The following RD3 variants were observed in gnomAD, a reference collection of about 807,000 sequenced individuals.
The protein encoded by RD3 is RD3 regulator of GUCY2D, also known as protein RD3.
A neutral mutation model predicts 16.9 loss-of-function variants in RD3; 11 were observed. That is an observed-to-expected ratio of 0.65 (90% CI 0.41 to 1.08). RD3 has a LOEUF of 1.08. Among genes scored for constraint, RD3 ranks in the 50% least tolerant of loss-of-function variants. The pLI, the probability that RD3 is intolerant of heterozygous loss-of-function variation, is 0.00. For missense variants in RD3, 274 were observed against 267.4 expected, an observed-to-expected ratio of 1.02 and a Z score of -0.17; for synonymous variants, 116 against 114.8, an observed-to-expected ratio of 1.01 and a Z score of -0.07.
Position 211,478,949 on chromosome 1 carries a change from G to T in RD3, c.*87C>A. The T allele has an allele frequency of 7.6e-7, 1 of 1,310,326 alleles. No individual in the cohort carries two copies. The highest frequency in any genetic ancestry group is 1.0e-6 in the Non-Finnish European group (1 of 975,646). The allele number at this position is 1,310,326 out of a possible 1,614,324, so 81.2% of individuals were successfully genotyped here. ...TGGGTCTCCTCGTCAGGCCTAGGTG[G>T]GGAGGTTCCAGGGCCCGGCGCTCCG... is the stretch of plus-strand genomic sequence containing the variant. On this transcript the variant is annotated 3_prime_UTR_variant, in exon 3 of 3. Coordinates refer to ENST00000680073, the MANE Select transcript of RD3 (RefSeq NM_001164688.2).
In RD3 at chr1:211,478,279, T is replaced by C. The variant is rs1275284851; in HGVS notation, c.*757A>G. On this transcript the variant is annotated 3_prime_UTR_variant, in exon 3 of 3. Transcript: ENST00000680073. ...ACTTCTTGGAGAGCAGCTTAGATTC[T>C]CATCCCACTGCCAAGGTAAGAGATG... 2 of 397,870 alleles carry C rather than the reference T, an allele frequency of 5.0e-6. No homozygotes were observed. Among genetic ancestry groups the C allele is most frequent in the East Asian group, 3.6e-5 (1 of 28,070 alleles). 24.6% of individuals were successfully genotyped at this position (397,870 alleles called of 1,614,324 possible).
At chr1:211,479,421 C>T (rs1705218216) in intron 2 of RD3, 94 bp from the exon 3 acceptor site, 2 of 1,163,296 alleles carry the variant, frequency 1.7e-6, no homozygotes, top group South Asian at 1.5e-5. Context: ...CGTGCATCCT[C>T]ATGGCCAATT....
chr1:211,487,383 G>A (rs1030734711), intron 1 of RD3, among the ~76,000 whole-genome samples: 7 of 152,138 alleles, frequency 4.6e-5, no homozygotes, highest in Non-Finnish European at 1.0e-4. Context: ...CCCCATGTAC[G>A]CGTTTGTGAT....
At chr1:211,485,485 A>G (rs1705355570) in intron 1 of RD3, among the ~76,000 whole-genome samples, 1 of 152,128 alleles carries the variant, frequency 6.6e-6, no homozygotes, top group African/African-American at 2.4e-5. Context: ...AGGGAGGAAG[A>G]ACAGAGACAG....
At chr1:211,490,813 C>T (rs1449357029) in intron 1 of RD3, among the ~76,000 whole-genome samples, 2 of 152,188 alleles carry the variant, frequency 1.3e-5, no homozygotes, top group African/African-American at 4.8e-5. Context: ...CAGCCGGCCC[C>T]TCACTTCCCC....
chr1:211,481,971 C>T (rs567548293), intron 1 of RD3, among the ~76,000 whole-genome samples: 14 of 152,162 alleles, frequency 9.2e-5, no homozygotes, highest in Non-Finnish European at 1.9e-4. Flanking sequence ...ACCTGCAATC[C>T]CAATACTTTG....
intron 1 of RD3, 116 bp from the exon 2 acceptor site, chr1:211,481,542 C>T: frequency 1.1e-6 from 1 of 915,296 alleles, no homozygotes; most frequent in Non-Finnish European, 1.7e-6. Context: ...AAGACCTGCT[C>T]TGCCCTAACA....
At chr1:211,482,145 C>G (rs143959453) in intron 1 of RD3, among the ~76,000 whole-genome samples, 1,912 of 150,338 alleles carry the variant, frequency 0.013, 71 homozygotes, top group African/African-American at 0.046. Flanking sequence ...TTGCCTGAAC[C>G]CGGGAGGTGG....
rs1164504706 is a variant in RD3 at position 211,479,253 on chromosome 1, T to C, written c.371A>G (p.Glu124Gly). 1.9e-6 allele frequency: 3 copies of C among 1,608,124 alleles called. No individual in the cohort carries two copies. In the Admixed American group the frequency reaches 5.0e-5, roughly 27 times the overall value. The change falls in exon 3 of 3, where the codon GAG (glutamate) becomes GGG (glycine). Residue 124 changes from glutamate to glycine, a missense_variant. Coordinates refer to ENST00000680073, the MANE Select transcript of RD3 (RefSeq NM_001164688.2). ...TTCCTGCTTCATCCTCTCCAGGACC[T>C]CCTGCAGCACCGAGCGGAAGAGCTG... Reference protein sequence around the residue: ...VSQLFRSVLQEVLERMKQEEE... With the variant: ...VSQLFRSVLQGVLERMKQEEE...
Position 211,481,206 on chromosome 1 carries a change from G to A in RD3, c.210C>T (p.Thr70=). 1.2e-6 allele frequency: 2 copies of A among 1,614,258 alleles called. No individual in the cohort carries two copies. Among genetic ancestry groups the A allele is most frequent in the South Asian group, 2.2e-5 (2 of 91,090 alleles). The change falls in exon 2 of 3, where the codon ACC becomes ACT. Residue 70 remains threonine, a synonymous_variant. Transcript: ENST00000680073. ...YSWLASTPRS[T]YDLSPIERLQ... ...ACCGCTCAATGGGGCTGAGGTCATA[G>A]GTGGACCGGGGTGTGCTGGCCAGCC...
intron 1 of RD3, among the ~76,000 whole-genome samples, chr1:211,487,357 G>C (rs1558181756): frequency 6.6e-6 from 1 of 152,180 alleles, no homozygotes; most frequent in Non-Finnish European, 1.5e-5. Context: ...GGGGTGAGCA[G>C]TTCCTCTGTG....
intron 1 of RD3, among the ~76,000 whole-genome samples, chr1:211,482,608 G>A (rs185303803): frequency 2.6e-5 from 4 of 151,900 alleles, no homozygotes; most frequent in East Asian, 1.9e-4. Context: ...TGACAGCAGC[G>A]AGCCTAACTC....
intron 1 of RD3, among the ~76,000 whole-genome samples, chr1:211,486,963 C>CTGAACT (rs1705386168): frequency 1.3e-5 from 2 of 152,148 alleles, no homozygotes; most frequent in Non-Finnish European, 2.9e-5. Context: ...GTTCAGAAAA[C>CTGAACT]ATTACATAAA....
chr1:211,484,949 C>T lies in RD3; in HGVS notation c.-11-3523G>A, dbSNP rs546920102. 3.9e-5 allele frequency among the ~76,000 whole-genome samples: 6 copies of T among 152,336 alleles called. No individual in the cohort carries two copies. In the East Asian group the frequency reaches 9.6e-4, roughly 24 times the overall value. On this transcript the variant is annotated intron_variant, in intron 1 of 2. Transcript: ENST00000680073. Reference sequence around the variant, plus strand: ...GTGGCCCCTTCTGTGGGGAAGTGGGCGGGCGACTGTCTGGCAGGGAATTCT... The same window carrying T: ...GTGGCCCCTTCTGTGGGGAAGTGGGTGGGCGACTGTCTGGCAGGGAATTCT...
intron 1 of RD3, among the ~76,000 whole-genome samples, chr1:211,489,355 T>A (rs547784018): frequency 1.3e-5 from 2 of 152,112 alleles, no homozygotes; most frequent in East Asian, 3.9e-4. Flanking sequence ...TGAATGAGGG[T>A]CATAGACCAC....
At chr1:211,481,071 C>G in intron 2 of RD3, 49 bp downstream of exon 2, 1 of 1,603,888 alleles carries the variant, frequency 6.2e-7, no homozygotes. Flanking sequence ...ACTGCAGCCA[C>G]CTTTCCTGGA....
chr1:211,483,022 G>C (rs1444618708), intron 1 of RD3, among the ~76,000 whole-genome samples: 1 of 151,958 alleles, frequency 6.6e-6, no homozygotes, highest in South Asian at 2.1e-4. Flanking sequence ...TTAATGCAGA[G>C]AAATGAATTG....
At position 211,477,408 on chromosome 1, in the gene RD3, C is replaced by T. The variant is rs1402489148; in HGVS notation, c.*1628G>A. The T allele has an allele frequency of 6.6e-6, 1 of 150,726 alleles. No individual in the cohort carries two copies. Among genetic ancestry groups the T allele is most frequent in the African/African-American group, 2.4e-5 (1 of 40,904 alleles). The allele number at this position is 150,726 out of a possible 1,614,324, so 9.3% of individuals were successfully genotyped here. A position where few individuals can be genotyped will look rare whatever the true frequency, so the allele number is the denominator to read the frequency against. On this transcript the variant is annotated 3_prime_UTR_variant, in exon 3 of 3. Coordinates refer to ENST00000680073, the MANE Select transcript of RD3 (RefSeq NM_001164688.2). ...GGCAAAGGTTGTGGTGAGCCGAGAT[C>T]ACGCCACTGCACTGCAGCCTGGGTA...
intron 1 of RD3, among the ~76,000 whole-genome samples, chr1:211,487,833 A>G (rs756923254): frequency 6.6e-6 from 1 of 152,242 alleles, no homozygotes; most frequent in Non-Finnish European, 1.5e-5. Flanking sequence ...CAGCAGACAC[A>G]GGAGGAGTGT....
Sources: allele counts gnomAD v4.1 joint callset (sites outside exome capture counted in the v4.1 genomes callset), GRCh38; gene constraint gnomAD v4.1.1; transcripts MANE v1.5; gene names NCBI Gene and HGNC (gene_info 2026-07-23, HGNC 2026-07-21).